The following GINS1 variants were observed in gnomAD, a reference collection of about 807,000 sequenced individuals.
GINS1 encodes the protein GINS complex subunit 1.
A neutral mutation model predicts 34.9 loss-of-function variants in GINS1; 26 were observed. The ratio of observed to expected loss-of-function variants is 0.74; its 90% confidence interval spans 0.55 to 1.03. The LOEUF is 1.03. Ranked by LOEUF, GINS1 falls within the 50% of genes least tolerant of loss-of-function variation. The pLI, the probability that GINS1 is intolerant of heterozygous loss-of-function variation, is 0.00. For missense variants in GINS1, 235 were observed against 237.9 expected (o/e 0.99, Z 0.08); for synonymous variants, 97 against 84.4 (o/e 1.15, Z -0.82).
In GINS1 at chr20:25,425,263, T is replaced by A. The variant is rs376943654; in HGVS notation, c.383T>A (p.Leu128Gln). 4 of 1,573,384 alleles carry A rather than the reference T, an allele frequency of 2.5e-6. No individual in the cohort carries two copies. The African/African-American group carries it at 5.4e-5, about 21-fold the overall frequency. Residue 128 changes from leucine to glutamine, a missense_variant, in exon 5 of 7, where the codon CTG becomes CAG. Physicochemically the swap from Leu to Gln is moderately radical, Grantham distance 113. Coordinates refer to ENST00000262460, the MANE Select transcript of GINS1 (RefSeq NM_021067.5). Reference protein sequence around the residue: ...KRSLATYMRSLGGDEGLDITQ... With the variant: ...KRSLATYMRSQGGDEGLDITQ... ...TCTCTTGCTACTTATATGAGGTCAC[T>A]GGGAGGAGATGAAGGTTTGGACATT... is the stretch of plus-strand genomic sequence containing the variant.
intron 4 of GINS1, among the ~76,000 whole-genome samples, chr20:25,424,219 T>C (rs2090377404): frequency 6.6e-6 from 1 of 152,230 alleles, no homozygotes; most frequent in South Asian, 2.1e-4. Flanking sequence ...CTATATAGTA[T>C]AGTTGGAGCA....
intron 5 of GINS1, among the ~76,000 whole-genome samples, chr20:25,431,054 T>G (rs190537494): frequency 1.3e-5 from 2 of 152,212 alleles, no homozygotes; most frequent in Non-Finnish European, 2.9e-5. Flanking sequence ...TTTTCTTTAT[T>G]GAGAGATTTT....
intron 1 of GINS1, among the ~76,000 whole-genome samples, chr20:25,408,487 T>C (rs1338748244): frequency 6.6e-6 from 1 of 152,144 alleles, no homozygotes; most frequent in Non-Finnish European, 1.5e-5. Context: ...AATATTATGA[T>C]TATTTGTATT....
chr20:25,418,288 G>A, intron 4 of GINS1, 93 bp downstream of exon 4: 1 of 810,976 alleles, frequency 1.2e-6, no homozygotes, highest in East Asian at 2.4e-5. Context: ...CTCTTTTTGT[G>A]TTTAATGTCT....
chr20:25,433,836 G>C (rs2090439853), intron 5 of GINS1, among the ~76,000 whole-genome samples: 1 of 152,106 alleles, frequency 6.6e-6, no homozygotes. Context: ...TATGTTGTGA[G>C]CCCCAAAACA....
intron 4 of GINS1, among the ~76,000 whole-genome samples, chr20:25,422,613 A>G (rs754559729): frequency 1.3e-5 from 2 of 151,990 alleles, no homozygotes; most frequent in Non-Finnish European, 2.9e-5. Flanking sequence ...AAAACTTGCC[A>G]TTTACCACCT....
chr20:25,433,954 T>C (rs1474608921), intron 5 of GINS1, among the ~76,000 whole-genome samples: 1 of 152,146 alleles, frequency 6.6e-6, no homozygotes, highest in African/African-American at 2.4e-5. Flanking sequence ...TCAATGTTTT[T>C]TTAAATGTGT....
chr20:25,426,995 T>TTTTAA (rs1287068983), intron 5 of GINS1, among the ~76,000 whole-genome samples: 1 of 152,150 alleles, frequency 6.6e-6, no homozygotes, highest in African/African-American at 2.4e-5. Context: ...GAGACTCTGC[T>TTTTAA]TTTAATTTTG....
intron 3 of GINS1, 103 bp from the exon 4 acceptor site, chr20:25,417,999 TAAG>T: frequency 1.3e-6 from 1 of 750,106 alleles, no homozygotes; most frequent in Admixed American, 1.8e-5. Context: ...TTGTTTTCCC[TAAG>T]ATGTCTGTTT....
At chr20:25,438,449 G>A (rs539204322) in intron 5 of GINS1, among the ~76,000 whole-genome samples, 7 of 151,570 alleles carry the variant, frequency 4.6e-5, no homozygotes, top group African/African-American at 1.5e-4. Context: ...TAATAACTGC[G>A]GTGAATTGGA....
chr20:25,442,669 G>A (rs934228111), intron 6 of GINS1, among the ~76,000 whole-genome samples: 3 of 149,104 alleles, frequency 2.0e-5, no homozygotes, highest in Non-Finnish European at 3.0e-5. Flanking sequence ...GTGCAGTGGC[G>A]GGATCTCCAC....
intron 5 of GINS1, among the ~76,000 whole-genome samples, chr20:25,427,318 C>T (rs1233213990): frequency 1.3e-5 from 2 of 152,168 alleles, no homozygotes; most frequent in African/African-American, 4.8e-5. Context: ...CTGCCTCAGC[C>T]TCCCAAGTAG....
chr20:25,442,840 A>C (rs558804611), intron 6 of GINS1, among the ~76,000 whole-genome samples: 1 of 152,032 alleles, frequency 6.6e-6, no homozygotes, highest in Non-Finnish European at 1.5e-5. Flanking sequence ...TCCTGAGCTC[A>C]AGCAATCCAC....
rs541761609 is a variant in GINS1 at position 25,437,884 on chromosome 20, C to T, written c.448-3818C>T. ...TTGTAATCCCAGCACTTTGGGAGGC[C>T]GAGGCGGGTGGATCACCTGAGGTCA... On this transcript the variant is annotated intron_variant, in intron 5 of 6. Transcript: ENST00000262460. Among the ~76,000 whole-genome samples the T allele has an allele frequency of 6.6e-5, 10 of 152,054 alleles. No individual in the cohort carries two copies. In the East Asian group the frequency reaches 1.7e-3, roughly 26 times the overall value.
chr20:25,410,228 C>T (rs1329548348), intron 1 of GINS1, among the ~76,000 whole-genome samples: 1 of 151,924 alleles, frequency 6.6e-6, no homozygotes, highest in African/African-American at 2.4e-5. Context: ...GTAGTCCCAG[C>T]TACTCGGAAG....
chr20:25,430,363 A>G (rs924382600), intron 5 of GINS1, among the ~76,000 whole-genome samples: 1 of 152,188 alleles, frequency 6.6e-6, no homozygotes, highest in African/African-American at 2.4e-5. Context: ...TTTCTGTATC[A>G]ATTGAAATGA....
intron 5 of GINS1, among the ~76,000 whole-genome samples, chr20:25,430,342 G>C (rs1174194383): frequency 2.0e-5 from 3 of 152,128 alleles, no homozygotes; most frequent in Non-Finnish European, 2.9e-5. Flanking sequence ...GTTGAATTTT[G>C]TCAAACGCTT....
intron 4 of GINS1, among the ~76,000 whole-genome samples, chr20:25,424,974 G>C (rs2146205987): frequency 6.6e-6 from 1 of 152,250 alleles, no homozygotes; most frequent in African/African-American, 2.4e-5. Flanking sequence ...TTATTATTAA[G>C]TATGCTGAAA....
intron 4 of GINS1, among the ~76,000 whole-genome samples, chr20:25,421,424 A>G (rs1362334143): frequency 1.3e-5 from 2 of 152,238 alleles, no homozygotes; most frequent in Non-Finnish European, 2.9e-5. Flanking sequence ...AGAATATGAA[A>G]GCACACTGAT....
Sources: allele counts gnomAD v4.1 joint callset (sites outside exome capture counted in the v4.1 genomes callset), GRCh38; gene constraint gnomAD v4.1.1; transcripts MANE v1.5; gene names NCBI Gene and HGNC (gene_info 2026-07-23, HGNC 2026-07-21).